SPATS2L: variants seen among roughly 807,000 people sequenced by gnomAD.
SPATS2L encodes SPATS2-like protein.
In SPATS2L, 30 loss-of-function variants were observed where a neutral mutation model predicts 59.6. That is an observed-to-expected ratio of 0.50 (90% confidence interval 0.38 to 0.68). SPATS2L has a LOEUF of 0.68. Ranked by LOEUF, SPATS2L falls within the 30% of genes least tolerant of loss-of-function variation. The probability of loss-of-function intolerance (pLI) is 0.00; values close to 1 mark genes in which losing one functional copy is unlikely to be tolerated. For missense variants in SPATS2L, 615 were observed against 700.0 expected (o/e 0.88, Z 1.37); for synonymous variants, 252 against 263.5 (o/e 0.96, Z 0.42).
At chr2:200,419,897 G>A (rs2083239161) in intron 6 of SPATS2L, among the ~76,000 whole-genome samples, 2 of 151,904 alleles carry the variant, frequency 1.3e-5, no homozygotes, top group Admixed American at 1.3e-4. Context: ...TTTTTTAATG[G>A]AAATTCCAGT....
At chr2:200,332,772 C>CTGTGTGTG (rs144988506) in intron 2 of SPATS2L, among the ~76,000 whole-genome samples, 37,155 of 142,980 alleles carry the variant, frequency 0.26, 5,611 homozygotes, top group East Asian at 0.44. Context: ...AGTTAGCTGC[C>CTGTGTGTG]TGTGTGTGTG....
In SPATS2L at chr2:200,374,956, A is replaced by G. The variant is rs368927670; in HGVS notation, c.-22-14267A>G. Among the ~76,000 whole-genome samples the G allele has an allele frequency of 7.9e-5, 12 of 152,362 alleles. No homozygotes were observed. In the South Asian group the frequency reaches 1.9e-3, roughly 24 times the overall value. The stretch of plus-strand genomic sequence containing the variant: ...TCAATCTTTAGAAAAATGATTTGGA[A>G]GAGATTAAACTATGTATTGCTAATG... On this transcript the variant is annotated intron_variant, in intron 2 of 12. Coordinates refer to ENST00000409140, the MANE Select transcript of SPATS2L (RefSeq NM_001100423.2).
At chr2:200,434,407 T>C (rs977561241) in intron 6 of SPATS2L, among the ~76,000 whole-genome samples, 10 of 152,004 alleles carry the variant, frequency 6.6e-5, no homozygotes, top group Non-Finnish European at 1.0e-4. Flanking sequence ...CAAGGAACGA[T>C]TGGAAAAGAA....
chr2:200,435,421 G>C (rs1359690108), intron 6 of SPATS2L, among the ~76,000 whole-genome samples: 1 of 152,176 alleles, frequency 6.6e-6, no homozygotes, highest in African/African-American at 2.4e-5. Context: ...TGTTTCCAGA[G>C]ATAACTTTTC....
chr2:200,438,318 C>T (rs200265748), intron 6 of SPATS2L, among the ~76,000 whole-genome samples: 1 of 151,904 alleles, frequency 6.6e-6, no homozygotes, highest in Non-Finnish European at 1.5e-5. Flanking sequence ...AGAACCTGGC[C>T]TTCAAGAGCA....
At chr2:200,428,323 G>C (rs1238025263) in intron 6 of SPATS2L, among the ~76,000 whole-genome samples, 1 of 152,128 alleles carries the variant, frequency 6.6e-6, no homozygotes, top group Non-Finnish European at 1.5e-5. Flanking sequence ...CCCTTTAGCA[G>C]TATTCAGCAT....
chr2:200,476,631 T>C (rs1240263816), intron 12 of SPATS2L, among the ~76,000 whole-genome samples: 1 of 152,154 alleles, frequency 6.6e-6, no homozygotes, highest in Non-Finnish European at 1.5e-5. Flanking sequence ...GGATCAAAAC[T>C]CCATGCAGTC....
chr2:200,330,532 C>T (rs1020952961), intron 2 of SPATS2L, among the ~76,000 whole-genome samples: 1 of 152,168 alleles, frequency 6.6e-6, no homozygotes, highest in Admixed American at 6.5e-5. Flanking sequence ...TTCTGTCTTT[C>T]TGTCTCCATA....
chr2:200,384,830 A>G (rs1451830984), intron 2 of SPATS2L, among the ~76,000 whole-genome samples: 1 of 152,202 alleles, frequency 6.6e-6, no homozygotes, highest in Non-Finnish European at 1.5e-5. Flanking sequence ...TTATAATGGT[A>G]TTACTGAAAT....
chr2:200,463,681 C>T (rs998820237), intron 9 of SPATS2L, among the ~76,000 whole-genome samples: 7 of 152,144 alleles, frequency 4.6e-5, no homozygotes, highest in Admixed American at 6.5e-5. Context: ...TTTATACCCA[C>T]ATAAGCACAG....
At chr2:200,429,237 A>G (rs779135441) in intron 6 of SPATS2L, among the ~76,000 whole-genome samples, 2 of 152,210 alleles carry the variant, frequency 1.3e-5, no homozygotes, top group Non-Finnish European at 2.9e-5. Context: ...TGAATAGGAG[A>G]AATGTAATGT....
intron 10 of SPATS2L, 77 bp from the exon 11 acceptor site, chr2:200,469,837 A>T: frequency 9.2e-7 from 1 of 1,088,054 alleles, no homozygotes. Flanking sequence ...CCGGAAGAGC[A>T]GAGTGAACGC....
chr2:200,307,016 T>TGGGCC (rs2105731244), intron 1 of SPATS2L, 94 bp downstream of exon 1: 1 of 956,794 alleles, frequency 1.0e-6, no homozygotes, highest in Admixed American at 6.2e-5. Context: ...GAGACTCGGC[T>TGGGCC]GGGCCGAGCA....
rs752426736 is a variant in SPATS2L at position 200,477,928 on chromosome 2, G to A, written c.1574G>A (p.Gly525Asp). The A allele has an allele frequency of 2.5e-6, 4 of 1,612,116 alleles. No individual in the cohort carries two copies. Among genetic ancestry groups the A allele is most frequent in the South Asian group, 2.2e-5 (2 of 90,980 alleles). The change falls in exon 13 of 13, where the codon GGT (glycine) becomes GAT (aspartate). Residue 525 changes from glycine (G) to aspartate (D), a missense_variant. Physicochemically the swap from Gly to Asp is moderately conservative, Grantham distance 94 (BLOSUM62 -1). Coordinates refer to ENST00000409140, the MANE Select transcript of SPATS2L (RefSeq NM_001100423.2). ...ACCTCGGAGGCCAGGCCCTTCCGGG[G>A]TAGTGTCGGTAGGGTTTCACAGTGC... ...ADTSEARPFR[G>D]SVGRVSQCNL... is the part of the protein sequence containing the mutation.
chr2:200,396,812 CAAG>C (rs1023803334), intron 3 of SPATS2L, among the ~76,000 whole-genome samples: 8 of 152,186 alleles, frequency 5.3e-5, no homozygotes, highest in Non-Finnish European at 1.0e-4. Context: ...TGGATTCAAA[CAAG>C]AACACAAGCC....
intron 3 of SPATS2L, among the ~76,000 whole-genome samples, chr2:200,402,532 T>C (rs2082559853): frequency 1.3e-5 from 2 of 152,196 alleles, no homozygotes; most frequent in Admixed American, 1.3e-4. Context: ...TCATTCTCGG[T>C]TTAAGCTAAC....
intron 1 of SPATS2L, 99 bp from the exon 2 acceptor site, chr2:200,329,332 C>T (rs2079858164): frequency 3.0e-6 from 3 of 997,556 alleles, no homozygotes; most frequent in Non-Finnish European, 1.5e-6. Flanking sequence ...GTCTTCTTGA[C>T]TCCAGATCCT....
At position 200,379,871 on chromosome 2, in the gene SPATS2L, G is replaced by A. The variant is rs532440352; in HGVS notation, c.-22-9352G>A. On this transcript the variant is annotated intron_variant, in intron 2 of 12. Transcript: ENST00000409140. ...TTTAAAGACTTGAGCTTACATCATCGCATCTTGAAAGAACCGAGTATAATT... is the reference window on the plus strand; with the variant it reads ...TTTAAAGACTTGAGCTTACATCATCACATCTTGAAAGAACCGAGTATAATT... Among the ~76,000 whole-genome samples, 8 of 152,120 alleles carry A rather than the reference G, an allele frequency of 5.3e-5. No homozygotes were observed. The South Asian group carries it at 1.0e-3, about 20-fold the overall frequency.
chr2:200,394,786 T>G (rs533752898), intron 3 of SPATS2L, among the ~76,000 whole-genome samples: 180 of 152,372 alleles, frequency 1.2e-3, no homozygotes, highest in African/African-American at 4.1e-3. Context: ...AAACTTGGGT[T>G]ACTTACGTTG....
Sources: allele counts gnomAD v4.1 joint callset (sites outside exome capture counted in the v4.1 genomes callset), GRCh38; gene constraint gnomAD v4.1.1; transcripts MANE v1.5; gene names NCBI Gene and HGNC (gene_info 2026-07-23, HGNC 2026-07-21).